The following ADGRE3 variants were observed in gnomAD, a reference collection of about 807,000 sequenced individuals.
ADGRE3 encodes EGF-like module receptor 3.
In ADGRE3, 88 loss-of-function variants were observed where a neutral mutation model predicts 80.1. That is an observed-to-expected ratio of 1.10 (90% CI 0.93 to 1.31). The LOEUF (loss-of-function observed/expected upper bound fraction) is 1.31, where lower values mean the gene tolerates loss of function less well. ADGRE3 is among the 40% of genes most tolerant of loss of function. The probability of loss-of-function intolerance (pLI) is 0.00; values close to 1 mark genes in which losing one functional copy is unlikely to be tolerated. For synonymous variants in ADGRE3, 281 were observed against 294.8 expected (o/e 0.95, Z 0.48); for missense variants, 715 against 776.5 (o/e 0.92, Z 0.94).
At chr19:14,614,692 T>C (rs1335610207), downstream of ADGRE3, among the ~76,000 whole-genome samples, 2 of 151,722 alleles carry the variant, frequency 1.3e-5, no homozygotes, top group African/African-American at 2.4e-5. Context: ...TTCTTCTGCC[T>C]CTGCCTCCCA....
At chr19:14,669,768 G>A (rs1016894472) in intron 1 of ADGRE3, among the ~76,000 whole-genome samples, 2 of 152,074 alleles carry the variant, frequency 1.3e-5, no homozygotes, top group East Asian at 1.9e-4. Flanking sequence ...GGGATTACGG[G>A]CATGAGCCAC....
At chr19:14,657,332 C>T (rs1174203218) in intron 5 of ADGRE3, among the ~76,000 whole-genome samples, 1 of 152,092 alleles carries the variant, frequency 6.6e-6, no homozygotes, top group African/African-American at 2.4e-5. Flanking sequence ...TATATAAATG[C>T]CGTCAGTTGG....
In ADGRE3 at chr19:14,625,557, A is replaced by G; in HGVS notation, c.1855T>C (p.Ser619Pro). The change falls in exon 15 of 16, where the codon TCA (serine) becomes CCA (proline). Residue 619 changes from serine to proline, a missense_variant. Transcript: ENST00000253673. ...YQKWFREIVK[S>P]KSESETYTLS... ...GTGTATGTCTCAGACTCAGATTTTG[A>G]TTTTACGATCTCTCTAAACCACTTT... is the stretch of plus-strand genomic sequence containing the variant. 1 of 1,613,876 alleles carries G rather than the reference A, an allele frequency of 6.2e-7. No individual in the cohort carries two copies. Among genetic ancestry groups the G allele is most frequent in the Non-Finnish European group, 8.5e-7 (1 of 1,179,818 alleles).
intron 15 of ADGRE3, among the ~76,000 whole-genome samples, chr19:14,620,564 ATATATTTTTTTTTT>A (rs1970568061): frequency 2.0e-4 from 7 of 34,346 alleles, no homozygotes; most frequent in African/African-American, 7.0e-4. Flanking sequence ...ATATATATAT[ATATATTTTTTTTTT>A]TTTTTTTTTT....
At chr19:14,636,151 T>C (rs1971072838) in intron 11 of ADGRE3, among the ~76,000 whole-genome samples, 1 of 115,598 alleles carries the variant, frequency 8.7e-6, no homozygotes, top group Non-Finnish European at 1.8e-5. Flanking sequence ...TCTTTCTTTC[T>C]TCCTTTCCTC....
intron 4 of ADGRE3, among the ~76,000 whole-genome samples, chr19:14,661,419 A>G (rs1971941462): frequency 6.6e-6 from 1 of 152,194 alleles, no homozygotes; most frequent in African/African-American, 2.4e-5. Flanking sequence ...CTGTCCTTGC[A>G]GGGCATGGCT....
chr19:14,645,670 A>G (rs1971381133), intron 8 of ADGRE3, among the ~76,000 whole-genome samples: 1 of 152,072 alleles, frequency 6.6e-6, no homozygotes, highest in Non-Finnish European at 1.5e-5. Context: ...AAGAAAAAAA[A>G]AAAAGAAAAT....
intron 6 of ADGRE3, among the ~76,000 whole-genome samples, chr19:14,653,149 AT>A (rs199683409): frequency 2.0e-5 from 3 of 151,264 alleles, no homozygotes; most frequent in African/African-American, 2.4e-5. Flanking sequence ...CGCCTGGCTA[AT>A]TTTTTTTAGT....
At chr19:14,649,358 CTCCCCATCTCTCTT>C (rs2146860992) in intron 7 of ADGRE3, among the ~76,000 whole-genome samples, 1 of 151,038 alleles carries the variant, frequency 6.6e-6, no homozygotes, top group East Asian at 2.0e-4. Flanking sequence ...TTCCATCTCT[CTCCCCATCTCTCTT>C]TCCATCTCTC....
chr19:14,654,261 GTT>G (rs35198087), intron 6 of ADGRE3, among the ~76,000 whole-genome samples: 2,354 of 134,252 alleles, frequency 0.018, 17 homozygotes, highest in African/African-American at 0.025. Flanking sequence ...CCCAAAACCT[GTT>G]TTTTTTTTTT....
chr19:14,663,432 A>T lies in ADGRE3; in HGVS notation c.185T>A (p.Leu62Ter). The change falls in exon 3 of 16, where the codon TTG becomes TAG. Residue 62 changes from leucine (L) to a stop codon, truncating the protein, a stop_gained. Coordinates refer to ENST00000253673, the MANE Select transcript of ADGRE3 (RefSeq NM_032571.5). LOFTEE classifies it high-confidence loss of function. Reference sequence around the variant, plus strand: ...TACTTCTTTACCGTTACATGTCTCCAAGGGGAATGTGAATAGTTTCTGCCC... The same window carrying T: ...TACTTCTTTACCGTTACATGTCTCCTAGGGGAATGTGAATAGTTTCTGCCC... Reference protein sequence around the residue: ...GSGQKLFTFPLETCNDINECT... With the variant: ...GSGQKLFTFP 1 of 1,605,498 alleles carries T rather than the reference A, an allele frequency of 6.2e-7. No homozygotes were observed. Among genetic ancestry groups the T allele is most frequent in the South Asian group, 1.1e-5 (1 of 90,312 alleles).
chr19:14,655,006 G>C lies in ADGRE3; in HGVS notation c.553C>G (p.Leu185Val). The change falls in exon 6 of 16, where the codon CTG (leucine) becomes GTG (valine). Residue 185 changes from leucine to valine, a missense_variant. Transcript: ENST00000253673. ...TALKDPEQKV[L>V]KIQNDSVAIE... ...CCTACACTATCGTTTTGGATTTTCA[G>C]GACTTTTTGTTCTGGATCTTTCAAG... is the stretch of plus-strand genomic sequence containing the variant. 6.2e-7 allele frequency: 1 copy of C among 1,613,770 alleles called. No homozygotes were observed. Among genetic ancestry groups the C allele is most frequent in the Non-Finnish European group, 8.5e-7 (1 of 1,179,898 alleles).
At chr19:14,640,739 G>A (rs1971224188) in intron 10 of ADGRE3, among the ~76,000 whole-genome samples, 1 of 152,124 alleles carries the variant, frequency 6.6e-6, no homozygotes, top group Non-Finnish European at 1.5e-5. Context: ...AGGACCCGGT[G>A]GGAGATAATT....
In ADGRE3 at chr19:14,620,548, T is replaced by TAATA; in HGVS notation, c.1921-1078_1921-1077insTATT. Among the ~76,000 whole-genome samples the TAATA allele has an allele frequency of 1.8e-3, 45 of 24,950 alleles. 3 individuals are homozygous for TAATA. Among genetic ancestry groups the TAATA allele is most frequent in the African/African-American group, 7.1e-3 (33 of 4,654 alleles). 16.4% of individuals were successfully genotyped at this position (24,950 alleles called of 152,430 possible). A position where few individuals can be genotyped will look rare whatever the true frequency, so the allele number is the denominator to read the frequency against. ...TGAATATATATATTTTATATATATA[T>TAATA]TATATATATATATATATATATTTTT... is the stretch of plus-strand genomic sequence containing the variant. On this transcript the variant is annotated intron_variant, in intron 15 of 15. Transcript: ENST00000253673.
the ADGRE3 span, chr19:14,610,621 G>A: frequency 2.3e-5 from 4 of 176,936 alleles, no homozygotes; most frequent in East Asian, 1.6e-4. Flanking sequence ...CTGGGCTCAG[G>A]TGATCCTCCC....
At chr19:14,607,967 C>T in the ADGRE3 span, among the ~76,000 whole-genome samples, 1 of 152,050 alleles carries the variant, frequency 6.6e-6, no homozygotes, top group Non-Finnish European at 1.5e-5. Flanking sequence ...ACCTCCCAGG[C>T]TCTGGTAATC....
intron 11 of ADGRE3, 56 bp from the exon 12 acceptor site, chr19:14,633,358 A>T: frequency 7.6e-7 from 1 of 1,308,528 alleles, no homozygotes; most frequent in Non-Finnish European, 1.1e-6. Flanking sequence ...GCGTGAGATC[A>T]ACATAAAGTG....
At chr19:14,651,668 A>G (rs1050405207) in intron 6 of ADGRE3, among the ~76,000 whole-genome samples, 11 of 152,222 alleles carry the variant, frequency 7.2e-5, no homozygotes, top group African/African-American at 2.7e-4. Flanking sequence ...TAGCTACAAG[A>G]AAGTTCATAG....
chr19:14,664,768 C>T (rs964102760), intron 2 of ADGRE3, among the ~76,000 whole-genome samples: 3 of 151,788 alleles, frequency 2.0e-5, no homozygotes, highest in Admixed American at 6.6e-5. Flanking sequence ...AGATTCTGAT[C>T]GTGGTATATG....
Sources: gnomAD v4.1 joint callset for allele counts (sites outside exome capture counted in the v4.1 genomes callset) on GRCh38, gnomAD v4.1.1 for gene constraint, MANE v1.5 for transcripts, NCBI Gene and HGNC (gene_info 2026-07-23, HGNC 2026-07-21) for gene names.